MYH15: variants seen among roughly 807,000 people sequenced by gnomAD.
The protein encoded by MYH15 is myosin heavy chain 15.
MYH15 carries 227 observed loss-of-function variants against 240.5 expected under a neutral mutation model. The ratio of observed to expected loss-of-function variants is 0.94; its 90% CI spans 0.85 to 1.05. The LOEUF (loss-of-function observed/expected upper bound fraction) is 1.05, where lower values mean the gene tolerates loss of function less well. Ranked by LOEUF, MYH15 falls within the 50% of genes least tolerant of loss-of-function variation. The probability of loss-of-function intolerance (pLI) is 0.00; values close to 1 mark genes in which losing one functional copy is unlikely to be tolerated. For missense variants in MYH15, 2,217 were observed against 2,247.5 expected (o/e 0.99, Z 0.27); for synonymous variants, 785 against 796.7 (o/e 0.99, Z 0.25).
At chr3:108,426,817 G>C (rs576014765) in intron 27 of MYH15, among the ~76,000 whole-genome samples, 30 of 152,302 alleles carry the variant, frequency 2.0e-4, no homozygotes, top group Admixed American at 5.2e-4. Context: ...CCTGCCAGGG[G>C]GGGGCAGTGC....
chr3:108,532,158 A>C (rs1246367964), upstream of MYH15, among the ~76,000 whole-genome samples: 1 of 152,024 alleles, frequency 6.6e-6, no homozygotes, highest in Admixed American at 6.6e-5. Flanking sequence ...GTGACAGTTA[A>C]ATTTTTGTCT....
At position 108,428,507 on chromosome 3, in the gene MYH15, C is replaced by G. The variant is rs370631377; in HGVS notation, c.3687G>C (p.Gln1229His). The G allele has an allele frequency of 2.5e-6, 4 of 1,612,456 alleles. No individual in the cohort carries two copies. The highest frequency in any genetic ancestry group is 3.4e-6 in the Non-Finnish European group (4 of 1,179,110). Residue 1229 changes from glutamine (Q) to histidine (H), a missense_variant, in exon 27 of 41, where the codon CAG (glutamine) becomes CAC (histidine). Coordinates refer to ENST00000693548, the MANE Select transcript of MYH15 (RefSeq NM_014981.3). The stretch of plus-strand genomic sequence containing the variant: ...GAGTATCTACCTTAGCTCTTGTCAT[C>G]TGCTCAACACGGGTCAGGAGGTCAT... ...EVDDLLTRVEQMTRAKANAEK... is the reference protein window; with the variant it reads ...EVDDLLTRVEHMTRAKANAEK...
chr3:108,398,613 A>T, intron 35 of MYH15, 24 bp downstream of exon 35: 1 of 1,609,730 alleles, frequency 6.2e-7, no homozygotes, highest in Non-Finnish European at 8.5e-7. Flanking sequence ...GGCCCAGCTA[A>T]TAGGGAGAGT....
intron 14 of MYH15, among the ~76,000 whole-genome samples, chr3:108,467,492 G>A (rs905257320): frequency 2.0e-5 from 3 of 152,028 alleles, no homozygotes; most frequent in Non-Finnish European, 4.4e-5. Flanking sequence ...TACATGCTAG[G>A]TAGTATAGTT....
chr3:108,429,648 T>C (rs777878060), intron 26 of MYH15, among the ~76,000 whole-genome samples: 8 of 152,218 alleles, frequency 5.3e-5, no homozygotes, highest in Non-Finnish European at 8.8e-5. Context: ...TCACCTTAAG[T>C]AATTAGGCAT....
intron 9 of MYH15, among the ~76,000 whole-genome samples, chr3:108,490,129 C>T (rs1351156326): frequency 6.6e-6 from 1 of 152,084 alleles, no homozygotes; most frequent in Admixed American, 6.5e-5. Context: ...TTTGATAGGA[C>T]TAATCAATGG....
chr3:108,427,945 T>C (rs1275953724), intron 27 of MYH15, among the ~76,000 whole-genome samples: 1 of 152,236 alleles, frequency 6.6e-6, no homozygotes, highest in Admixed American at 6.5e-5. Flanking sequence ...GATCTCATAG[T>C]AACCATTTGA....
Position 108,391,791 on chromosome 3 carries a change from C to T in MYH15, c.5399G>A (p.Ser1800Asn). Residue 1800 changes from serine to asparagine, a missense_variant, in exon 37 of 41, where the codon AGT becomes AAT. By Grantham distance (46) the Ser-to-Asn change is conservative (BLOSUM62 1). Coordinates refer to ENST00000693548, the MANE Select transcript of MYH15 (RefSeq NM_014981.3). ...AEAEQMALMGSRKQIQKLESR... is the reference protein window; with the variant it reads ...AEAEQMALMGNRKQIQKLESR... ...TTCTAGTTTCTGGATTTGCTTTCTA[C>T]TCCCCATCAGGGCCATCTGTTCAGC... 1 of 1,614,016 alleles carries T rather than the reference C, an allele frequency of 6.2e-7. No homozygotes were observed. The highest frequency in any genetic ancestry group is 8.5e-7 in the Non-Finnish European group (1 of 1,179,962).
At chr3:108,493,241 C>T in intron 7 of MYH15, 64 bp from the exon 8 acceptor site, 1 of 1,205,618 alleles carries the variant, frequency 8.3e-7, no homozygotes, top group Non-Finnish European at 1.2e-6. Flanking sequence ...TTTCCAAGCA[C>T]TTGCAATGGC....
At position 108,414,294 on chromosome 3, in the gene MYH15, C is replaced by T. The variant is rs768541073; in HGVS notation, c.4083G>A (p.Val1361=). The T allele has an allele frequency of 1.2e-6, 2 of 1,614,138 alleles. No individual in the cohort carries two copies. Among genetic ancestry groups the T allele is most frequent in the Non-Finnish European group, 1.7e-6 (2 of 1,180,006 alleles). Residue 1361 remains valine, a synonymous_variant, in exon 30 of 41, where the codon GTG becomes GTA. Transcript: ENST00000693548. Reference sequence around the variant, plus strand: ...TGTTTTCATACTTCATTCTCCATTGCACCATTTCAGCATTGACTTTGGATA... The same window carrying T: ...TGTTTTCATACTTCATTCTCCATTGTACCATTTCAGCATTGACTTTGGATA... The part of the protein sequence containing the change: ...RTLSKVNAEM[V]QWRMKYENNV...
In MYH15 at chr3:108,414,367, T is replaced by G. The variant is rs780716253; in HGVS notation, c.4010A>C (p.Glu1337Ala). Residue 1337 changes from glutamate to alanine, a missense_variant, in exon 30 of 41, where the codon GAG (glutamate) becomes GCG (alanine). Coordinates refer to ENST00000693548, the MANE Select transcript of MYH15 (RefSeq NM_014981.3). ...GACCTCTTGTTCTTCCTCATACTGC[T>G]CTCGTAGAAGGTCACAGTCACGCTG... is the stretch of plus-strand genomic sequence containing the variant. ...KAQRDCDLLREQYEEEQEVKA... is the reference protein window; with the variant it reads ...KAQRDCDLLRAQYEEEQEVKA... The G allele has an allele frequency of 6.2e-7, 1 of 1,614,062 alleles. No homozygotes were observed.
intron 18 of MYH15, among the ~76,000 whole-genome samples, chr3:108,457,459 A>G (rs1295046387): frequency 1.3e-5 from 2 of 152,048 alleles, no homozygotes; most frequent in African/African-American, 4.8e-5. Flanking sequence ...TCCTTCTGTC[A>G]CCTTCTCGTT....
At chr3:108,547,445 T>C in the MYH15 span, among the ~76,000 whole-genome samples, 4 of 152,146 alleles carry the variant, frequency 2.6e-5, no homozygotes, top group African/African-American at 4.8e-5. Flanking sequence ...AAAGTGATGA[T>C]CCAAATGAAT....
chr3:108,492,204 A>ACACACG (rs1414466065), intron 9 of MYH15, among the ~76,000 whole-genome samples: 1 of 135,888 alleles, frequency 7.4e-6, no homozygotes, highest in African/African-American at 2.6e-5. Flanking sequence ...GCTTTTATAC[A>ACACACG]CACACACACA....
chr3:108,416,764 AAAAAAACAC>A lies in MYH15; in HGVS notation c.3948+39_3948+47del, dbSNP rs771253746. On this transcript the variant is annotated intron_variant, in intron 29 of 40. Coordinates refer to ENST00000693548, the MANE Select transcript of MYH15 (RefSeq NM_014981.3). Reference sequence around the variant, plus strand: ...ATTCATCAAGCACTATTTTTTAAAAAAAAAAACACACAGTCAAGAAACTAGTGAGAAATA... The same window carrying A: ...ATTCATCAAGCACTATTTTTTAAAAAACAGTCAAGAAACTAGTGAGAAATA... The A allele has an allele frequency of 4.8e-6, 7 of 1,444,662 alleles. No individual in the cohort carries two copies. In the South Asian group the frequency reaches 6.2e-5, roughly 13 times the overall value. 89.5% of individuals were successfully genotyped at this position (1,444,662 alleles called of 1,614,324 possible). A position where few individuals can be genotyped will look rare whatever the true frequency, so the allele number is the denominator to read the frequency against.
intron 21 of MYH15, among the ~76,000 whole-genome samples, chr3:108,448,694 G>A (rs2082948918): frequency 6.6e-6 from 1 of 151,876 alleles, no homozygotes; most frequent in Admixed American, 6.6e-5. Flanking sequence ...ATACTTAATG[G>A]TGAAAAACTG....
chr3:108,481,787 T>C (rs1576261079), intron 11 of MYH15, among the ~76,000 whole-genome samples: 1 of 151,742 alleles, frequency 6.6e-6, no homozygotes, highest in Admixed American at 6.6e-5. Context: ...ATAATTGCGG[T>C]TTTTGCTGTT....
the MYH15 span, chr3:108,550,280 G>A: frequency 4.0e-5 from 6 of 151,076 alleles, no homozygotes; most frequent in African/African-American, 1.5e-4. Context: ...AAACTATTAG[G>A]ACAACAAATT....
the MYH15 span, chr3:108,543,728 A>G: frequency 6.6e-6 from 1 of 152,434 alleles, no homozygotes; most frequent in African/African-American, 2.4e-5. Flanking sequence ...ATGGGTCCAG[A>G]TGCAGGATGA....
Sources: gnomAD v4.1 joint callset for allele counts (sites outside exome capture counted in the v4.1 genomes callset) on GRCh38, gnomAD v4.1.1 for gene constraint, MANE v1.5 for transcripts, NCBI Gene and HGNC (gene_info 2026-07-23, HGNC 2026-07-21) for gene names.